The following IDO2 variants were observed in gnomAD, a reference collection of about 807,000 sequenced individuals.
IDO2 encodes the protein indoleamine 2,3-dioxygenase 2.
Under a neutral mutation model 45.1 loss-of-function variants are expected in IDO2, and 46 were observed. That is an observed-to-expected ratio of 1.02 (90% CI 0.80 to 1.30). IDO2 has a LOEUF of 1.30. Among genes scored for constraint, IDO2 ranks in the 50% most tolerant of loss-of-function variants. The pLI is 0.00. For synonymous variants in IDO2, 218 were observed against 184.9 expected, an observed-to-expected ratio of 1.18 and a Z score of -1.45; for missense variants, 544 against 491.8, an observed-to-expected ratio of 1.11 and a Z score of -1.00.
chr8:39,973,103 A>G (rs867361697), intron 3 of IDO2, among the ~76,000 whole-genome samples: 1 of 152,140 alleles, frequency 6.6e-6, no homozygotes, highest in African/African-American at 2.4e-5. Context: ...ATAAGTAAAT[A>G]GATGATGGAT....
At chr8:39,945,845 A>C (rs1807720164) in intron 1 of IDO2, among the ~76,000 whole-genome samples, 1 of 152,174 alleles carries the variant, frequency 6.6e-6, no homozygotes, top group Non-Finnish European at 1.5e-5. Context: ...GATCTAACTT[A>C]ATCGATTCCG....
intron 2 of IDO2, among the ~76,000 whole-genome samples, chr8:39,957,732 T>C (rs903342883): frequency 2.6e-5 from 4 of 152,234 alleles, no homozygotes; most frequent in Non-Finnish European, 5.9e-5. Context: ...TCCTTCACTT[T>C]ACTTTGATGC....
chr8:39,982,236 GTA>G (rs10612525), intron 4 of IDO2, among the ~76,000 whole-genome samples: 80,243 of 139,414 alleles, frequency 0.58, 22,219 homozygotes, highest in African/African-American at 0.65. Flanking sequence ...ATATATGTGT[GTA>G]TATATATATA....
chr8:39,936,014 C>T (rs533938063), intron 1 of IDO2, among the ~76,000 whole-genome samples: 1 of 152,072 alleles, frequency 6.6e-6, no homozygotes, highest in Non-Finnish European at 1.5e-5. Context: ...CTTAGTATAT[C>T]CAGGGATGGA....
At chr8:39,960,005 A>G (rs939574883) in intron 2 of IDO2, among the ~76,000 whole-genome samples, 1 of 152,162 alleles carries the variant, frequency 6.6e-6, no homozygotes, top group African/African-American at 2.4e-5. Context: ...AGAGATTGTG[A>G]GTAGGATGTT....
chr8:39,964,152 G>GC (rs1160425655), intron 3 of IDO2, among the ~76,000 whole-genome samples: 1 of 152,114 alleles, frequency 6.6e-6, no homozygotes, highest in African/African-American at 2.4e-5. Flanking sequence ...TATAAAATTG[G>GC]CCATGGGTTC....
At chr8:40,006,785 C>G (rs2955884) in intron 9 of IDO2, among the ~76,000 whole-genome samples, 13,039 of 152,030 alleles carry the variant, frequency 0.086, 652 homozygotes, top group Middle Eastern at 0.15. Flanking sequence ...CTCAGCCTCC[C>G]GAGTAGCTGC....
intron 6 of IDO2, chr8:39,986,171 A>G (rs1467775346): frequency 6.6e-6 from 1 of 152,280 alleles, no homozygotes; most frequent in Non-Finnish European, 1.5e-5. Context: ...ATCTCACTAT[A>G]TCTTCTATGG....
intron 8 of IDO2, among the ~76,000 whole-genome samples, chr8:40,000,353 T>C (rs912553418): frequency 2.6e-5 from 4 of 151,500 alleles, no homozygotes; most frequent in Non-Finnish European, 5.9e-5. Flanking sequence ...GAGGTTGCAG[T>C]GAACTGAGAT....
intron 8 of IDO2, 105 bp downstream of exon 8, chr8:39,989,943 A>G: frequency 1.5e-6 from 1 of 648,636 alleles, no homozygotes; most frequent in South Asian, 2.1e-5. Context: ...GTGATAATAC[A>G]TTCATCCACC....
At chr8:39,939,546 CAAAAAAAAAAAA>C (rs55892879) in intron 1 of IDO2, among the ~76,000 whole-genome samples, 1 of 71,268 alleles carries the variant, frequency 1.4e-5, no homozygotes, top group African/African-American at 5.8e-5. Flanking sequence ...GACTCTGTCT[CAAAAAAAAAAAA>C]AAAAAAAAAA....
At position 40,013,707 on chromosome 8, in the gene IDO2, GA is replaced by G; in HGVS notation, c.865del (p.Ser289ValfsTer8). 2 of 1,604,714 alleles carry G rather than the reference GA, an allele frequency of 1.2e-6. No individual in the cohort carries two copies. Among genetic ancestry groups the G allele is most frequent in the Non-Finnish European group, 1.7e-6 (2 of 1,174,104 alleles). On this transcript the variant is annotated frameshift_variant, in exon 10 of 11. Transcript: ENST00000502986. LOFTEE classifies it high-confidence loss of function. ...GTTCTTAGGCATTCGTCATAGCAAG[GA>G]AAGTGGTAAGTCAGACATTTTGTTT...
chr8:39,958,229 T>G (rs1328701071), intron 2 of IDO2, among the ~76,000 whole-genome samples: 1 of 151,838 alleles, frequency 6.6e-6, no homozygotes. Context: ...TGAGACGGAG[T>G]CTTGCTCTCT....
exon 11 of IDO2, chr8:40,015,538 T>C (rs1802374890): frequency 2.5e-6 from 4 of 1,613,944 alleles, no homozygotes; most frequent in Non-Finnish European, 2.5e-6. Flanking sequence ...GGAACCGCAG[T>C]TATGAGCTTT....
chr8:39,984,447 C>A (rs1808394742), intron 5 of IDO2, among the ~76,000 whole-genome samples: 1 of 152,200 alleles, frequency 6.6e-6, no homozygotes, highest in South Asian at 2.1e-4. Flanking sequence ...TGCACTCCAG[C>A]CTGGGTGACA....
intron 8 of IDO2, among the ~76,000 whole-genome samples, chr8:40,002,822 A>T (rs1368192052): frequency 6.6e-6 from 1 of 152,076 alleles, no homozygotes; most frequent in Non-Finnish European, 1.5e-5. Flanking sequence ...TATGTTGGAA[A>T]TTTTGTACAA....
intron 1 of IDO2, 38 bp from the exon 2 acceptor site, chr8:39,949,111 T>C (rs1044955532): frequency 3.8e-6 from 6 of 1,562,340 alleles, no homozygotes; most frequent in African/African-American, 1.4e-5. Flanking sequence ...TTTAATTTAT[T>C]AGGAACAATT....
chr8:39,956,686 T>C (rs1009231966), intron 2 of IDO2, among the ~76,000 whole-genome samples: 2 of 152,178 alleles, frequency 1.3e-5, no homozygotes, highest in East Asian at 1.9e-4. Flanking sequence ...GTAATAACTA[T>C]ATAGAAAGTG....
intron 2 of IDO2, among the ~76,000 whole-genome samples, chr8:39,957,561 A>G (rs1221445820): frequency 6.6e-6 from 1 of 152,288 alleles, no homozygotes; most frequent in Non-Finnish European, 1.5e-5. Context: ...GCAATAAGCT[A>G]TATTTGTACC....
Sources: gnomAD v4.1 joint callset for allele counts (sites outside exome capture counted in the v4.1 genomes callset) on GRCh38, gnomAD v4.1.1 for gene constraint, MANE v1.5 for transcripts, NCBI Gene and HGNC (gene_info 2026-07-23, HGNC 2026-07-21) for gene names.